Variants in NTM observed in about 807,000 individuals in gnomAD.
NTM encodes the protein neurotrimin.
In NTM, 13 loss-of-function variants were observed where a neutral mutation model predicts 42.1. The ratio of observed to expected loss-of-function variants is 0.31; its 90% confidence interval spans 0.20 to 0.49. NTM has a LOEUF of 0.49. NTM is among the 20% of genes least tolerant of loss of function. NTM has a pLI of 0.99. For synonymous variants in NTM, 187 were observed against 179.2 expected (o/e 1.04, Z -0.35); for missense variants, 373 against 452.8 (o/e 0.82, Z 1.60).
intron 1 of NTM, among the ~76,000 whole-genome samples, chr11:131,817,773 C>T (rs1446112888): frequency 6.6e-6 from 1 of 152,256 alleles, no homozygotes; most frequent in East Asian, 1.9e-4. Context: ...AAGTTGGCAA[C>T]ACATCCCAAT....
chr11:132,327,408 A>G (rs963246467), intron 7 of NTM, among the ~76,000 whole-genome samples: 1 of 152,240 alleles, frequency 6.6e-6, no homozygotes, highest in Admixed American at 6.5e-5. Flanking sequence ...GAAGGAAACA[A>G]TTGCAGCAGA....
intron 1 of NTM, among the ~76,000 whole-genome samples, chr11:131,469,998 T>A (rs1370572685): frequency 1.3e-5 from 2 of 151,928 alleles, no homozygotes; most frequent in Non-Finnish European, 3.0e-5. Flanking sequence ...TTTATGGTAT[T>A]ATTCCAATGA....
At chr11:131,424,439 AG>A (rs1947843121) in intron 1 of NTM, among the ~76,000 whole-genome samples, 1 of 152,012 alleles carries the variant, frequency 6.6e-6, no homozygotes, top group Non-Finnish European at 1.5e-5. Context: ...CCCATTTGAC[AG>A]GCAGGCAAAC....
At chr11:131,892,648 G>A (rs1253830012) in intron 1 of NTM, among the ~76,000 whole-genome samples, 2 of 152,244 alleles carry the variant, frequency 1.3e-5, no homozygotes, top group Admixed American at 6.5e-5. Flanking sequence ...ACAGACTTGA[G>A]GGTGGAGGAA....
intron 1 of NTM, among the ~76,000 whole-genome samples, chr11:131,691,614 CATGTTGTCTTCT>C (rs1170775492): frequency 2.6e-5 from 4 of 151,786 alleles, no homozygotes; most frequent in African/African-American, 7.3e-5. Flanking sequence ...CCTTCTCTTC[CATGTTGTCTTCT>C]GCTGAATATA....
chr11:131,858,484 G>C (rs1289555832), intron 1 of NTM, among the ~76,000 whole-genome samples: 1 of 152,210 alleles, frequency 6.6e-6, no homozygotes, highest in Non-Finnish European at 1.5e-5. Flanking sequence ...GAGGAGCTCA[G>C]TATTTTTTGA....
intron 2 of NTM, among the ~76,000 whole-genome samples, chr11:131,984,958 A>G (rs1443565089): frequency 2.0e-5 from 3 of 152,172 alleles, no homozygotes; most frequent in Non-Finnish European, 2.9e-5. Context: ...TCAAATCGTT[A>G]AGTAATATTG....
rs538443411 is a variant in NTM at position 132,008,646 on chromosome 11, A to G, written c.167+96998A>G. On this transcript the variant is annotated intron_variant, in intron 2 of 8. Transcript: ENST00000683400. Reference sequence around the variant, plus strand: ...ATACCTTTCCTCCCTGGCATTACAAATGCTCCCCATTTCCCCCTGAAAACA... The same window carrying G: ...ATACCTTTCCTCCCTGGCATTACAAGTGCTCCCCATTTCCCCCTGAAAACA... Among the ~76,000 whole-genome samples the G allele has an allele frequency of 8.6e-5, 13 of 151,956 alleles. No individual in the cohort carries two copies. The East Asian group carries it at 9.7e-4, about 11-fold the overall frequency.
At chr11:131,616,640 C>T (rs974803847) in intron 1 of NTM, among the ~76,000 whole-genome samples, 2 of 152,096 alleles carry the variant, frequency 1.3e-5, no homozygotes, top group African/African-American at 4.8e-5. Context: ...TGATGAGATA[C>T]GGAGACAGTT....
rs369748156 is a variant in NTM, at chr11:132,310,232, G to C, written c.782G>C (p.Arg261Thr). 1.3e-6 allele frequency: 2 copies of C among 1,594,132 alleles called. No homozygotes were observed. The highest frequency in any genetic ancestry group is 1.7e-6 in the Non-Finnish European group (2 of 1,173,252). The change falls in exon 6 of 9, where the codon AGA becomes ACA. Residue 261 changes from arginine (R) to threonine (T), a missense_variant and splice_region_variant. By Grantham distance (71) the Arg-to-Thr change is moderately conservative. Around this residue, in one of 3 missense-constraint regions of NTM, gnomAD observed 312 missense variants for 353.5 expected, o/e 0.88. Transcript: ENST00000683400. ...AEFQWYKDDK[R>T]LIEGKKGVKV... Reference sequence around the variant, plus strand: ...TTCCAGTGGTACAAGGATGACAAAAGGTAAAGCTTCCTTCTTTCCTATCCC... The same window carrying C: ...TTCCAGTGGTACAAGGATGACAAAACGTAAAGCTTCCTTCTTTCCTATCCC...
intron 1 of NTM, among the ~76,000 whole-genome samples, chr11:131,735,450 G>A (rs2080290466): frequency 6.6e-6 from 1 of 152,188 alleles, no homozygotes. Flanking sequence ...CAGTCATTGT[G>A]GTGTAGTTAA....
rs1021927554 is a variant in NTM, at chr11:131,477,930, C to A, written c.82+107042C>A. 2.0e-5 allele frequency among the ~76,000 whole-genome samples: 3 copies of A among 151,956 alleles called. No homozygotes were observed. In the South Asian group the frequency reaches 6.3e-4, roughly 32 times the overall value. Reference sequence around the variant, plus strand: ...ATTGCTGTTCCTTAGGACAGTGGAACCTGCTCTCTACCTTCCTTCCATTCC... The same window carrying A: ...ATTGCTGTTCCTTAGGACAGTGGAAACTGCTCTCTACCTTCCTTCCATTCC... On this transcript the variant is annotated intron_variant, in intron 1 of 8. Coordinates refer to ENST00000683400, the MANE Select transcript of NTM (RefSeq NM_001352005.2).
At chr11:132,004,794 G>A (rs2070389735) in intron 2 of NTM, among the ~76,000 whole-genome samples, 1 of 151,718 alleles carries the variant, frequency 6.6e-6, no homozygotes, top group African/African-American at 2.4e-5. Context: ...TCAAGGAGCT[G>A]TGGACAGTAA....
intron 2 of NTM, among the ~76,000 whole-genome samples, chr11:132,070,738 C>T (rs866626466): frequency 5.5e-5 from 8 of 144,608 alleles, no homozygotes; most frequent in African/African-American, 1.3e-4. Context: ...CAAGTTAACA[C>T]GTCAAACTGA....
intron 1 of NTM, among the ~76,000 whole-genome samples, chr11:131,594,551 C>T (rs981198525): frequency 8.5e-5 from 12 of 140,924 alleles, no homozygotes; most frequent in East Asian, 2.2e-4. Flanking sequence ...CAGACCACCG[C>T]GCCCAGCTAA....
intron 1 of NTM, among the ~76,000 whole-genome samples, chr11:131,482,286 T>C (rs1023162081): frequency 6.6e-6 from 1 of 152,126 alleles, no homozygotes; most frequent in African/African-American, 2.4e-5. Context: ...CAGCTCTTGA[T>C]TCCCCCCACC....
intron 1 of NTM, among the ~76,000 whole-genome samples, chr11:131,869,281 G>A (rs1034085073): frequency 6.6e-6 from 1 of 152,100 alleles, no homozygotes; most frequent in Non-Finnish European, 1.5e-5. Context: ...GCTTCTCCCC[G>A]CCTACGCGCT....
At chr11:131,741,990 C>T (rs753272526) in intron 1 of NTM, among the ~76,000 whole-genome samples, 7 of 152,082 alleles carry the variant, frequency 4.6e-5, no homozygotes, top group African/African-American at 4.8e-5. Flanking sequence ...AACCAAATAC[C>T]GCATGTTTTC....
chr11:132,027,212 T>C (rs755889849), intron 2 of NTM, among the ~76,000 whole-genome samples: 2 of 152,314 alleles, frequency 1.3e-5, no homozygotes, highest in East Asian at 1.9e-4. Context: ...ACATGATATA[T>C]GAAATTTCAA....
Sources: gnomAD v4.1 joint callset for allele counts (sites outside exome capture counted in the v4.1 genomes callset) on GRCh38, gnomAD v4.1.1 for gene constraint, gnomAD v4.1.1 regional missense constraint, MANE v1.5 for transcripts, NCBI Gene and HGNC (gene_info 2026-07-23, HGNC 2026-07-21) for gene names.